Variants in FRMD4B observed in about 807,000 individuals in gnomAD.
The protein encoded by FRMD4B is FERM domain containing 4B, also known as FERM domain-containing protein 4B.
A neutral mutation model predicts 141.5 loss-of-function variants in FRMD4B; 74 were observed. The ratio of observed to expected loss-of-function variants is 0.52; its 90% CI spans 0.43 to 0.63. FRMD4B has a LOEUF of 0.63. Ranked by LOEUF, FRMD4B falls within the 30% of genes least tolerant of loss-of-function variation. The pLI is 0.00. For missense variants in FRMD4B, 1,366 were observed against 1,253.4 expected, an observed-to-expected ratio of 1.09 and a Z score of -1.36; for synonymous variants, 506 against 467.9, an observed-to-expected ratio of 1.08 and a Z score of -1.05.
Position 69,176,558 on chromosome 3 carries a change from C to T in FRMD4B, c.2950G>A (p.Gly984Ser). The change falls in exon 22 of 23, where the codon GGC (glycine) becomes AGC (serine). Residue 984 changes from glycine to serine, a missense_variant. Gly to Ser is a moderately conservative substitution (Grantham distance 56). Coordinates refer to ENST00000398540, the MANE Select transcript of FRMD4B (RefSeq NM_015123.3). ...GAGGGTAAAGGATTATAGACATTGC[C>T]ATAGCAGCTGGTGTAAGAAGAATGT... The part of the protein sequence containing the change: ...PAHSSYTSCY[G>S]NVYNPLPSPS... 1 of 1,612,488 alleles carries T rather than the reference C, an allele frequency of 6.2e-7. No homozygotes were observed. Among genetic ancestry groups the T allele is most frequent in the South Asian group, 1.1e-5 (1 of 91,048 alleles).
chr3:69,481,459 G>A (rs1474133336), intron 1 of FRMD4B, among the ~76,000 whole-genome samples: 4 of 152,072 alleles, frequency 2.6e-5, no homozygotes, highest in Non-Finnish European at 5.9e-5. Flanking sequence ...TTTGGTTATA[G>A]ATGAATGAAC....
intron 1 of FRMD4B, among the ~76,000 whole-genome samples, chr3:69,443,088 G>C (rs1023186800): frequency 1.3e-5 from 2 of 152,164 alleles, no homozygotes; most frequent in Non-Finnish European, 2.9e-5. Context: ...GCTTCAGGGT[G>C]GGGGCTGGTT....
At chr3:69,338,749 CTGAG>C (rs1169064050) in intron 1 of FRMD4B, among the ~76,000 whole-genome samples, 1 of 152,026 alleles carries the variant, frequency 6.6e-6, no homozygotes, top group African/African-American at 2.4e-5. Context: ...TGCTTATTAC[CTGAG>C]TAACAAAATA....
intron 1 of FRMD4B, among the ~76,000 whole-genome samples, chr3:69,321,368 C>T (rs546397049): frequency 3.3e-5 from 5 of 152,232 alleles, no homozygotes; most frequent in East Asian, 1.9e-4. Flanking sequence ...AATTTTTCTT[C>T]TCTCTCTCTC....
At chr3:69,228,232 A>G (rs1194260821) in intron 7 of FRMD4B, 6 of 426,988 alleles carry the variant, frequency 1.4e-5, no homozygotes, top group African/African-American at 2.0e-5. Flanking sequence ...CCTGCCTTCA[A>G]TGATAAGAAT....
chr3:69,240,381 T>G (rs1250202977), intron 7 of FRMD4B, among the ~76,000 whole-genome samples: 1 of 147,166 alleles, frequency 6.8e-6, no homozygotes, highest in South Asian at 2.1e-4. Context: ...CTTGGGAGGC[T>G]GAGGCAGGAG....
intron 1 of FRMD4B, among the ~76,000 whole-genome samples, chr3:69,517,527 C>A (rs938416264): frequency 6.6e-6 from 1 of 152,180 alleles, no homozygotes; most frequent in African/African-American, 2.4e-5. Flanking sequence ...ACCATTAAGT[C>A]TCATCCTTAA....
At chr3:69,380,792 T>C (rs1704097913) in intron 1 of FRMD4B, among the ~76,000 whole-genome samples, 1 of 152,166 alleles carries the variant, frequency 6.6e-6, no homozygotes, top group Admixed American at 6.5e-5. Context: ...CCTTCAGGGT[T>C]TGCAAGAAAT....
chr3:69,200,394 C>T, intron 11 of FRMD4B: 1 of 991,154 alleles, frequency 1.0e-6, no homozygotes, highest in Non-Finnish European at 1.2e-6. Context: ...TCTCCACAAA[C>T]TTGAGGTTTT....
chr3:69,457,276 G>A (rs1481036570), intron 1 of FRMD4B, among the ~76,000 whole-genome samples: 1 of 152,126 alleles, frequency 6.6e-6, no homozygotes, highest in Admixed American at 6.5e-5. Context: ...ATACAGGACT[G>A]AAAGGAAAAA....
intron 7 of FRMD4B, among the ~76,000 whole-genome samples, chr3:69,241,947 C>T (rs1193836169): frequency 1.3e-5 from 2 of 152,076 alleles, no homozygotes; most frequent in African/African-American, 4.8e-5. Context: ...TGGTAAAATG[C>T]ATGTGGTTTG....
chr3:69,475,621 G>A (rs1380843543), intron 1 of FRMD4B, among the ~76,000 whole-genome samples: 1 of 152,070 alleles, frequency 6.6e-6, no homozygotes, highest in Non-Finnish European at 1.5e-5. Flanking sequence ...GGACATTTGG[G>A]TTGGTTCCAA....
chr3:69,183,324 A>G (rs936747605), intron 19 of FRMD4B, among the ~76,000 whole-genome samples: 1 of 152,026 alleles, frequency 6.6e-6, no homozygotes. Context: ...TAAAAATATA[A>G]AAACCATTCT....
intron 11 of FRMD4B, among the ~76,000 whole-genome samples, chr3:69,211,023 G>GAAAAAAAAAAAAAAAAA (rs541259572): frequency 1.5e-4 from 13 of 85,836 alleles, no homozygotes; most frequent in African/African-American, 5.5e-4. Context: ...ATGCCATCTC[G>GAAAAAAAAAAAAAAAAA]AAAAAAAAAA....
chr3:69,522,908 C>T (rs1349755329), intron 1 of FRMD4B, among the ~76,000 whole-genome samples: 3 of 152,006 alleles, frequency 2.0e-5, no homozygotes, highest in Non-Finnish European at 4.4e-5. Flanking sequence ...AGCAGAGTGT[C>T]GAGCTTATTA....
rs375433759 is a variant in FRMD4B, at chr3:69,173,369, G to A, written c.2985-1388C>T. Among the ~76,000 whole-genome samples the A allele has an allele frequency of 3.2e-4, 49 of 151,858 alleles. 1 individual carries two copies. The South Asian group carries it at 8.8e-3, about 27-fold the overall frequency. Reference sequence around the variant, plus strand: ...GTACCTTTCTATAATTTTAAGACCCGGATACTCTAGGGCAAAGGATCTTTA... The same window carrying A: ...GTACCTTTCTATAATTTTAAGACCCAGATACTCTAGGGCAAAGGATCTTTA... On this transcript the variant is annotated intron_variant, in intron 22 of 22. Coordinates refer to ENST00000398540, the MANE Select transcript of FRMD4B (RefSeq NM_015123.3).
At chr3:69,261,070 G>A (rs1043093054) in intron 5 of FRMD4B, among the ~76,000 whole-genome samples, 3 of 152,162 alleles carry the variant, frequency 2.0e-5, no homozygotes, top group African/African-American at 7.2e-5. Context: ...GCCAGATTTC[G>A]CAACCTGCTT....
At chr3:69,364,476 A>G (rs1703577709) in intron 1 of FRMD4B, among the ~76,000 whole-genome samples, 1 of 152,216 alleles carries the variant, frequency 6.6e-6, no homozygotes, top group Non-Finnish European at 1.5e-5. Context: ...AAAAACATTC[A>G]TTGGGAAACT....
Position 69,189,941 on chromosome 3 carries a change from G to C in FRMD4B, c.1726C>G (p.Pro576Ala). 1.9e-6 allele frequency: 3 copies of C among 1,588,420 alleles called. No homozygotes were observed. The highest frequency in any genetic ancestry group is 2.6e-6 in the Non-Finnish European group (3 of 1,157,406). ...TCAGACAAAGAGCTACTCTCTGAGG[G>C]GATTATGTCTTCTGTGAATAAAAAT... ...KATVLPEDII[P>A]SESSSLSDTT... The change falls in exon 18 of 23, where the codon CCC (proline) becomes GCC (alanine). Residue 576 changes from proline to alanine, a missense_variant. By Grantham distance (27) the Pro-to-Ala change is conservative. Transcript: ENST00000398540.
Sources: gnomAD v4.1 joint callset for allele counts (sites outside exome capture counted in the v4.1 genomes callset) on GRCh38, gnomAD v4.1.1 for gene constraint, MANE v1.5 for transcripts, NCBI Gene and HGNC (gene_info 2026-07-23, HGNC 2026-07-21) for gene names.